Variants in CCDC15 observed in about 807,000 individuals in gnomAD.
CCDC15 encodes the protein coiled-coil domain-containing protein 15.
In CCDC15, 105 loss-of-function variants were observed where a neutral mutation model predicts 114.5. The ratio of observed to expected loss-of-function variants is 0.92; its 90% CI spans 0.78 to 1.08. CCDC15 has a LOEUF of 1.08. Ranked by LOEUF, CCDC15 falls within the 50% of genes least tolerant of loss-of-function variation. CCDC15 has a pLI of 0.00. For missense variants in CCDC15, 1,105 were observed against 1,093.6 expected, an observed-to-expected ratio of 1.01 and a Z score of -0.15; for synonymous variants, 334 against 377.8, an observed-to-expected ratio of 0.88 and a Z score of 1.34.
intron 15 of CCDC15, among the ~76,000 whole-genome samples, chr11:125,040,085 G>A (rs1007503457): frequency 1.3e-5 from 2 of 150,598 alleles, no homozygotes; most frequent in Admixed American, 6.6e-5. Flanking sequence ...TCACTCTGTC[G>A]CCCAGGCCAG....
intron 6 of CCDC15, among the ~76,000 whole-genome samples, chr11:124,978,322 T>C (rs1337508258): frequency 6.6e-6 from 1 of 152,182 alleles, no homozygotes; most frequent in African/African-American, 2.4e-5. Context: ...GTGATGAAAA[T>C]ATGTGTGCAT....
intron 11 of CCDC15, 77 bp downstream of exon 11, chr11:124,993,320 G>T (rs952944055): frequency 2.7e-5 from 26 of 959,524 alleles, no homozygotes; most frequent in South Asian, 2.4e-4. Context: ...GTAACAGAGT[G>T]TAAATTGCTT....
chr11:124,959,999 A>G lies in CCDC15; in HGVS notation c.512A>G (p.Gln171Arg). 6.4e-7 allele frequency: 1 copy of G among 1,557,652 alleles called. No individual in the cohort carries two copies. The highest frequency in any genetic ancestry group is 1.7e-4 in the Middle Eastern group (1 of 5,948). ...AACGAATTATTCCAACAACAAGCCC[A>G]GGCTGTAAGTACCTGTTCTTTTTAT... ...NQNELFQQQA[Q>R]ALSETMKQAR... Residue 171 changes from glutamine (Q) to arginine (R), a missense_variant, in exon 4 of 16, where the codon CAG (glutamine) becomes CGG (arginine). Transcript: ENST00000344762.
intron 2 of CCDC15, among the ~76,000 whole-genome samples, chr11:124,958,352 A>G (rs1442829410): frequency 2.0e-5 from 3 of 148,206 alleles, no homozygotes; most frequent in Non-Finnish European, 3.0e-5. Context: ...AATTAACACT[A>G]TGAGTTTTTT....
intron 13 of CCDC15, among the ~76,000 whole-genome samples, chr11:125,007,400 A>C (rs1302089330): frequency 6.6e-6 from 1 of 152,188 alleles, no homozygotes; most frequent in African/African-American, 2.4e-5. Flanking sequence ...TGTTGCAGCA[A>C]ATGACAGGAT....
rs982659006 is a variant in CCDC15, at chr11:124,991,505, A to C, written c.1953A>C (p.Lys651Asn). 1.4e-5 allele frequency: 22 copies of C among 1,604,206 alleles called. No individual in the cohort carries two copies. Among genetic ancestry groups the C allele is most frequent in the Non-Finnish European group, 1.6e-5 (19 of 1,171,824 alleles). Residue 651 changes from lysine to asparagine, a missense_variant, in exon 9 of 16, where the codon AAA becomes AAC. Transcript: ENST00000344762. ...KEPYSDMTDE[K>N]GREDFSLADY... ...CATACTCTGATATGACAGATGAGAAAGGGAGAGAAGACTTTTCTCTGGCAG... is the reference window on the plus strand; with the variant it reads ...CATACTCTGATATGACAGATGAGAACGGGAGAGAAGACTTTTCTCTGGCAG...
chr11:124,998,707 G>A (rs1056629642), intron 11 of CCDC15, among the ~76,000 whole-genome samples: 3 of 140,162 alleles, frequency 2.1e-5, no homozygotes, highest in Non-Finnish European at 4.7e-5. Context: ...AATCATACAT[G>A]TTTTTATGAA....
At chr11:124,986,998 T>G (rs1319385517) in intron 7 of CCDC15, 110 bp downstream of exon 7, 1 of 1,385,916 alleles carries the variant, frequency 7.2e-7, no homozygotes. Flanking sequence ...GGACAAAGAT[T>G]ATAATTTCAC....
chr11:124,985,036 C>T (rs556428244), intron 6 of CCDC15, among the ~76,000 whole-genome samples: 1 of 152,322 alleles, frequency 6.6e-6, no homozygotes, highest in Non-Finnish European at 1.5e-5. Context: ...TCCTAGGCAG[C>T]TACTAATCTA....
chr11:124,985,021 C>T (rs955850940), intron 6 of CCDC15, among the ~76,000 whole-genome samples: 6 of 152,200 alleles, frequency 3.9e-5, no homozygotes, highest in African/African-American at 1.4e-4. Context: ...TGCCCTTAAC[C>T]TCAATCCTAG....
intron 13 of CCDC15, among the ~76,000 whole-genome samples, chr11:125,034,533 A>G (rs1210345405): frequency 6.6e-6 from 1 of 152,150 alleles, no homozygotes; most frequent in East Asian, 1.9e-4. Flanking sequence ...AGCATCCCTG[A>G]GTTCATCATT....
At chr11:125,026,999 A>G (rs985904775) in intron 13 of CCDC15, among the ~76,000 whole-genome samples, 31 of 152,296 alleles carry the variant, frequency 2.0e-4, no homozygotes, top group African/African-American at 6.7e-4. Flanking sequence ...TTGGTTTTCC[A>G]TTCCTGAGTT....
chr11:125,001,628 G>T (rs1948483743), intron 11 of CCDC15, among the ~76,000 whole-genome samples: 1 of 152,130 alleles, frequency 6.6e-6, no homozygotes. Flanking sequence ...CCTATTCTGG[G>T]TAGTCTATGT....
At chr11:125,002,318 T>G (rs187625519) in intron 11 of CCDC15, among the ~76,000 whole-genome samples, 1 of 152,310 alleles carries the variant, frequency 6.6e-6, no homozygotes, top group African/African-American at 2.4e-5. Flanking sequence ...CAGATACATA[T>G]GATTTGCAAA....
chr11:124,991,803 C>A (rs777885545), intron 9 of CCDC15, among the ~76,000 whole-genome samples: 6 of 152,216 alleles, frequency 3.9e-5, no homozygotes, highest in Non-Finnish European at 7.3e-5. Context: ...CCTGCCTCAG[C>A]CTCCCGAGTA....
chr11:124,985,265 C>T (rs993931207), intron 6 of CCDC15, among the ~76,000 whole-genome samples: 8 of 152,060 alleles, frequency 5.3e-5, no homozygotes, highest in East Asian at 1.9e-4. Context: ...TAGACTTTGG[C>T]GTTCTTTTCA....
intron 6 of CCDC15, 27 bp from the exon 7 acceptor site, chr11:124,986,715 G>GCA (rs772127489): frequency 4.6e-6 from 7 of 1,519,100 alleles, no homozygotes; most frequent in Middle Eastern, 1.7e-4. Context: ...GCGCGCGCGT[G>GCA]CGCGTTTTCA....
chr11:124,962,875 G>A lies in CCDC15; in HGVS notation c.516+2872G>A, dbSNP rs533310083. Among the ~76,000 whole-genome samples the A allele has an allele frequency of 8.5e-5, 13 of 152,152 alleles. No homozygotes were observed. The East Asian group carries it at 2.1e-3, about 25-fold the overall frequency. The stretch of plus-strand genomic sequence containing the variant: ...CCAAGTGTTCTCATTGTTCAATTCC[G>A]ACCTATGAGTGAGAACATGCGGTGT... On this transcript the variant is annotated intron_variant, in intron 4 of 15. Coordinates refer to ENST00000344762, the MANE Select transcript of CCDC15 (RefSeq NM_025004.3).
intron 5 of CCDC15, 72 bp downstream of exon 5, chr11:124,975,281 C>A: frequency 2.2e-6 from 2 of 908,324 alleles, no homozygotes; most frequent in Non-Finnish European, 3.2e-6. Context: ...ACTTATATCT[C>A]AGCATAATTT....
Sources: gnomAD v4.1 joint callset for allele counts (sites outside exome capture counted in the v4.1 genomes callset) on GRCh38, gnomAD v4.1.1 for gene constraint, MANE v1.5 for transcripts, NCBI Gene and HGNC (gene_info 2026-07-23, HGNC 2026-07-21) for gene names.